DENND2C: variants seen among roughly 807,000 people sequenced by gnomAD.
The protein encoded by DENND2C is DENN domain containing 2C.
Under a neutral mutation model 112.4 loss-of-function variants are expected in DENND2C, and 72 were observed. That is an observed-to-expected ratio of 0.64 (90% confidence interval 0.53 to 0.78). DENND2C has a LOEUF of 0.78. DENND2C is among the 30% of genes least tolerant of loss of function. The probability of loss-of-function intolerance (pLI) is 0.00; values close to 1 mark genes in which losing one functional copy is unlikely to be tolerated. For missense variants in DENND2C, 992 were observed against 1,113.8 expected (o/e 0.89, Z 1.56); for synonymous variants, 329 against 381.6 (o/e 0.86, Z 1.61).
chr1:114,638,762 CAAA>C (rs35740017), intron 3 of DENND2C, among the ~76,000 whole-genome samples: 482 of 84,128 alleles, frequency 5.7e-3, no homozygotes, highest in Non-Finnish European at 8.7e-3. Context: ...GACCTTGTCT[CAAA>C]AAAAAAAAAA....
intron 15 of DENND2C, 78 bp downstream of exon 15, chr1:114,600,125 TA>T (rs962939754): frequency 5.8e-4 from 846 of 1,446,918 alleles, no homozygotes; most frequent in Middle Eastern, 9.1e-4. Context: ...AATAGTAAAA[TA>T]AAAAAAAATG....
At chr1:114,635,804 C>T (rs983689149) in intron 3 of DENND2C, among the ~76,000 whole-genome samples, 2 of 151,944 alleles carry the variant, frequency 1.3e-5, no homozygotes, top group African/African-American at 4.8e-5. Flanking sequence ...GTTAGGAGTT[C>T]GAGACCAGCC....
chr1:114,586,078 A>C (rs1032735113), intron 20 of DENND2C, among the ~76,000 whole-genome samples: 4 of 152,224 alleles, frequency 2.6e-5, no homozygotes, highest in Admixed American at 6.5e-5. Context: ...ACAGGGCCTA[A>C]TTAGGGGGCA....
chr1:114,592,057 G>A (rs978573498), intron 18 of DENND2C, among the ~76,000 whole-genome samples: 5 of 151,972 alleles, frequency 3.3e-5, no homozygotes, highest in African/African-American at 7.2e-5. Context: ...GCTAATTTTT[G>A]TATTTTTAGT....
rs1557960847 is a variant in DENND2C at position 114,655,883 on chromosome 1, A to ATATATATATATATATATAT, written c.-573-1123_-573-1122insATATATATATATATATATA. ...AAGAACTTTTATATATATATGTATAAATATATATATATATATAATATGTAT... is the reference window on the plus strand; with the variant it reads ...AAGAACTTTTATATATATATGTATAATATATATATATATATATATATATATATATATATATAATATGTAT... On this transcript the variant is annotated intron_variant, in intron 1 of 20. Transcript: ENST00000393274. 1.5e-3 allele frequency among the ~76,000 whole-genome samples: 183 copies of ATATATATATATATATATAT among 125,858 alleles called. 5 individuals carry two copies. Among genetic ancestry groups the ATATATATATATATATATAT allele is most frequent in the South Asian group, 9.7e-3 (39 of 4,022 alleles). 82.6% of individuals were successfully genotyped at this position (125,858 alleles called of 152,430 possible).
At position 114,655,883 on chromosome 1, in the gene DENND2C, A is replaced by ATATGTATATATAT. The variant is rs1557960847; in HGVS notation, c.-573-1123_-573-1122insATATATATACATA. 1.6e-5 allele frequency among the ~76,000 whole-genome samples: 2 copies of ATATGTATATATAT among 125,890 alleles called. 1 individual carries two copies. The highest frequency in any genetic ancestry group is 4.9e-4 in the South Asian group (2 of 4,054). The allele number at this position is 125,890 out of a possible 152,430, so 82.6% of individuals were successfully genotyped here. On this transcript the variant is annotated intron_variant, in intron 1 of 20. Coordinates refer to ENST00000393274, the MANE Select transcript of DENND2C (RefSeq NM_001256404.2). ...AAGAACTTTTATATATATATGTATA[A>ATATGTATATATAT]ATATATATATATATATAATATGTAT...
chr1:114,604,193 G>A (rs756884993), intron 11 of DENND2C, among the ~76,000 whole-genome samples: 3 of 152,168 alleles, frequency 2.0e-5, no homozygotes, highest in Non-Finnish European at 4.4e-5. Flanking sequence ...GAAGCAACAC[G>A]AAGTTGAAGT....
intron 2 of DENND2C, among the ~76,000 whole-genome samples, chr1:114,649,896 GTCTACTACC>G (rs1202278111): frequency 2.0e-5 from 3 of 152,164 alleles, no homozygotes; most frequent in African/African-American, 7.2e-5. Context: ...ATACCCGTAA[GTCTACTACC>G]TCCAACATGG....
At chr1:114,633,359 C>T (rs1012263212) in intron 3 of DENND2C, among the ~76,000 whole-genome samples, 2 of 144,884 alleles carry the variant, frequency 1.4e-5, no homozygotes, top group African/African-American at 5.2e-5. Context: ...GCATTAGAAT[C>T]GCTTGAAGCA....
intron 8 of DENND2C, 30 bp from the exon 9 acceptor site, chr1:114,611,147 ATTG>A (rs1266251934): frequency 1.2e-6 from 2 of 1,613,568 alleles, no homozygotes; most frequent in East Asian, 2.2e-5. Flanking sequence ...TTCCATTTGT[ATTG>A]TCCAACAGTA....
intron 3 of DENND2C, among the ~76,000 whole-genome samples, chr1:114,641,375 T>C (rs527333051): frequency 1.3e-5 from 2 of 152,292 alleles, no homozygotes; most frequent in Admixed American, 1.3e-4. Flanking sequence ...TTTGGATATT[T>C]GTCCCCTCCA....
At chr1:114,590,466 A>T (rs1655154670) in intron 18 of DENND2C, among the ~76,000 whole-genome samples, 1 of 152,122 alleles carries the variant, frequency 6.6e-6, no homozygotes, top group Non-Finnish European at 1.5e-5. Context: ...TTGCTATCAC[A>T]TATAATGGCA....
rs942698901 is a variant in DENND2C at position 114,660,307 on chromosome 1, A to G, written c.-573-5546T>C. On this transcript the variant is annotated intron_variant, in intron 1 of 20. Transcript: ENST00000393274. ...TCTGTGCATACCAAAGCTTTGCAAT[A>G]TATAAAACAGCAGTTTCAAACACCA... 3.3e-5 allele frequency among the ~76,000 whole-genome samples: 5 copies of G among 152,238 alleles called. No homozygotes were observed. In the East Asian group the frequency reaches 7.7e-4, roughly 23 times the overall value.
chr1:114,585,664 A>G (rs1456437599), intron 20 of DENND2C, 33 bp from the exon 21 acceptor site: 4 of 1,602,888 alleles, frequency 2.5e-6, no homozygotes, highest in African/African-American at 2.7e-5. Context: ...TGAATGCTCA[A>G]TTCATTTTTA....
At chr1:114,600,396 C>T in intron 14 of DENND2C, 44 bp from the exon 15 acceptor site, 2 of 1,611,090 alleles carry the variant, frequency 1.2e-6, no homozygotes, top group Non-Finnish European at 1.7e-6. Flanking sequence ...TGTTGGAAAA[C>T]AATCCCTAGT....
intron 3 of DENND2C, among the ~76,000 whole-genome samples, chr1:114,641,687 G>A (rs1402908074): frequency 6.6e-6 from 1 of 152,092 alleles, no homozygotes; most frequent in Non-Finnish European, 1.5e-5. Flanking sequence ...TGTCCAGCCT[G>A]AAGAACCATA....
At chr1:114,597,867 A>G (rs1289881450) in intron 16 of DENND2C, among the ~76,000 whole-genome samples, 1 of 152,202 alleles carries the variant, frequency 6.6e-6, no homozygotes, top group Non-Finnish European at 1.5e-5. Context: ...CAAGAGACCA[A>G]TAAATAGAAG....
intron 18 of DENND2C, among the ~76,000 whole-genome samples, chr1:114,593,379 C>T (rs924354568): frequency 6.6e-6 from 1 of 152,164 alleles, no homozygotes; most frequent in African/African-American, 2.4e-5. Flanking sequence ...GCTTTTAGCC[C>T]AAATCTTTCT....
chr1:114,603,012 T>C (rs181607946), intron 11 of DENND2C, among the ~76,000 whole-genome samples: 229 of 152,344 alleles, frequency 1.5e-3, no homozygotes, highest in Non-Finnish European at 3.0e-3. Context: ...ATATCCTTAA[T>C]ATGTAAAAAT....
Sources: gnomAD v4.1 joint callset for allele counts (sites outside exome capture counted in the v4.1 genomes callset) on GRCh38, gnomAD v4.1.1 for gene constraint, MANE v1.5 for transcripts, NCBI Gene and HGNC (gene_info 2026-07-23, HGNC 2026-07-21) for gene names.